ENOSF1: variants seen among roughly 807,000 people sequenced by gnomAD.
ENOSF1 encodes the protein mitochondrial enolase superfamily member 1.
A neutral mutation model predicts 68.2 loss-of-function variants in ENOSF1; 73 were observed. The observed-to-expected ratio is 1.07, with a 90% CI of 0.89 to 1.30. The LOEUF (loss-of-function observed/expected upper bound fraction) is 1.30. Ranked by LOEUF, ENOSF1 falls within the 50% of genes most tolerant of loss-of-function variation. The pLI, the probability that ENOSF1 is intolerant of heterozygous loss-of-function variation, is 0.00. For missense variants in ENOSF1, 589 were observed against 554.5 expected (o/e 1.06, Z -0.62); for synonymous variants, 223 against 210.4 (o/e 1.06, Z -0.52).
At chr18:685,038 CT>C (rs2076485421) in intron 10 of ENOSF1, among the ~76,000 whole-genome samples, 2 of 151,386 alleles carry the variant, frequency 1.3e-5, no homozygotes, top group South Asian at 2.1e-4. Flanking sequence ...TTTTTTTCTT[CT>C]TTCTTTTAGA....
intron 2 of ENOSF1, among the ~76,000 whole-genome samples, chr18:700,041 T>C (rs573560469): frequency 6.6e-6 from 1 of 152,132 alleles, no homozygotes; most frequent in South Asian, 2.1e-4. Flanking sequence ...GACCATGCCA[T>C]TGCACTCCAG....
chr18:699,692 G>A (rs1350753121), intron 2 of ENOSF1, among the ~76,000 whole-genome samples: 3 of 152,194 alleles, frequency 2.0e-5, no homozygotes, highest in South Asian at 2.1e-4. Flanking sequence ...TGGTGCTGCC[G>A]TGGATTCAAT....
At position 673,342 on chromosome 18, in the gene ENOSF1, G is replaced by T; in HGVS notation, c.*963C>A. 4.3e-6 allele frequency: 1 copy of T among 231,994 alleles called. No homozygotes were observed. Among genetic ancestry groups the T allele is most frequent in the Non-Finnish European group, 8.5e-6 (1 of 117,828 alleles). 14.4% of individuals were successfully genotyped at this position (231,994 alleles called of 1,614,324 possible). A position where few individuals can be genotyped will look rare whatever the true frequency, so the allele number is the denominator to read the frequency against. Reference sequence around the variant, plus strand: ...TTGGTGAATTTCACAAGCTATTTTTGGAATATTTTTAGAATATTTTAAGAA... The same window carrying T: ...TTGGTGAATTTCACAAGCTATTTTTTGAATATTTTTAGAATATTTTAAGAA... On this transcript the variant is annotated 3_prime_UTR_variant, in exon 16 of 16. Transcript: ENST00000647584.
At chr18:685,634 GAC>G (rs2076547419) in intron 10 of ENOSF1, among the ~76,000 whole-genome samples, 1 of 152,118 alleles carries the variant, frequency 6.6e-6, no homozygotes, top group South Asian at 2.1e-4. Flanking sequence ...TTACATGATT[GAC>G]ACACCAGAGC....
intron 1 of ENOSF1, among the ~76,000 whole-genome samples, chr18:707,125 T>G (rs1437695944): frequency 6.6e-6 from 1 of 152,098 alleles, no homozygotes; most frequent in Non-Finnish European, 1.5e-5. Context: ...GGTCGCAATG[T>G]ATACATTTTT....
At chr18:670,042 CTTATT>C (rs1335223763), downstream of ENOSF1, among the ~76,000 whole-genome samples, 1 of 128,582 alleles carries the variant, frequency 7.8e-6, no homozygotes, top group African/African-American at 3.4e-5. Flanking sequence ...GTAATAGAGA[CTTATT>C]TTTTTTTTTT....
intron 10 of ENOSF1, among the ~76,000 whole-genome samples, chr18:684,197 A>T (rs71352964): frequency 1.3e-5 from 2 of 151,440 alleles, no homozygotes; most frequent in Non-Finnish European, 2.9e-5. Context: ...GGGTTTCACC[A>T]TGTTAGCCAG....
intron 2 of ENOSF1, among the ~76,000 whole-genome samples, chr18:699,274 C>T (rs1428733693): frequency 2.0e-5 from 3 of 151,960 alleles, no homozygotes; most frequent in Non-Finnish European, 4.4e-5. Context: ...CCAGCCTGGG[C>T]AGTGTGGCAA....
chr18:677,211 T>C (rs748896030), intron 14 of ENOSF1, 134 bp downstream of exon 14: 28 of 716,794 alleles, frequency 3.9e-5, no homozygotes, highest in Non-Finnish European at 6.0e-5. Flanking sequence ...CAAAACCAAC[T>C]CCGCCTGAGA....
At chr18:684,544 T>C (rs916637069) in intron 10 of ENOSF1, among the ~76,000 whole-genome samples, 5 of 151,866 alleles carry the variant, frequency 3.3e-5, no homozygotes, top group Admixed American at 1.3e-4. Context: ...ATAATAATAA[T>C]AACCCCATGA....
chr18:710,338 G>C (rs892866899), intron 1 of ENOSF1, among the ~76,000 whole-genome samples: 2 of 152,092 alleles, frequency 1.3e-5, no homozygotes, highest in African/African-American at 4.8e-5. Flanking sequence ...TCGAACTCCT[G>C]GGCTCAAGCG....
chr18:708,877 G>C (rs972706639), intron 1 of ENOSF1, among the ~76,000 whole-genome samples: 3 of 152,172 alleles, frequency 2.0e-5, no homozygotes, highest in Non-Finnish European at 2.9e-5. Context: ...TGAGCGATGA[G>C]GCTGAGAAGG....
intron 9 of ENOSF1, 190 bp from the exon 10 acceptor site, chr18:686,198 T>G: frequency 1.7e-6 from 1 of 577,744 alleles, no homozygotes. Context: ...TCATTCAGTA[T>G]CAGGGCAATG....
Position 690,585 on chromosome 18 carries a change from G to T in ENOSF1, c.582C>A (p.Cys194Ter). The change falls in exon 8 of 16, where the codon TGC becomes TGA. Residue 194 changes from cysteine (C) to a stop codon, truncating the protein, a stop_gained. Transcript: ENST00000647584. LOFTEE classifies it high-confidence loss of function. ...AQGYPAYTTS[C>*]AWLGYSDDTL... Reference sequence around the variant, plus strand: ...TGTCATCTGAGTACCCCAGCCAGGCGCACGATGTCGTGTAAGCAGGGTATC... The same window carrying T: ...TGTCATCTGAGTACCCCAGCCAGGCTCACGATGTCGTGTAAGCAGGGTATC... 6.2e-7 allele frequency: 1 copy of T among 1,614,030 alleles called. No individual in the cohort carries two copies. Among genetic ancestry groups the T allele is most frequent in the Non-Finnish European group, 8.5e-7 (1 of 1,180,026 alleles).
chr18:706,353 G>A, intron 2 of ENOSF1, 117 bp downstream of exon 2: 1 of 734,072 alleles, frequency 1.4e-6, no homozygotes, highest in Non-Finnish European at 2.4e-6. Flanking sequence ...TGTAAATACA[G>A]ATAAAAACAA....
chr18:674,339 A>G lies in ENOSF1; in HGVS notation c.1298T>C (p.Val433Ala), dbSNP rs565811407. The change falls in exon 16 of 16, where the codon GTT (valine) becomes GCT (alanine). Residue 433 changes from valine to alanine, a missense_variant. Transcript: ENST00000647584. ...VKKHQYPDGE[V>A]WKKLLPAQEN ...TTGAGCAGGAAGGAGTTTCTTCCAA[A>G]CTTCACCATCTGGATACTGGTGTTT... 1.2e-6 allele frequency: 2 copies of G among 1,612,424 alleles called. No homozygotes were observed. Among genetic ancestry groups the G allele is most frequent in the African/African-American group, 2.7e-5 (2 of 74,804 alleles).
Position 671,580 on chromosome 18 carries a change from A to C in ENOSF1, c.*2725T>G. 1 of 724,388 alleles carries C rather than the reference A, an allele frequency of 1.4e-6. No individual in the cohort carries two copies. The highest frequency in any genetic ancestry group is 2.6e-5 in the East Asian group (1 of 38,314). 44.9% of individuals were successfully genotyped at this position (724,388 alleles called of 1,614,324 possible). On this transcript the variant is annotated 3_prime_UTR_variant, in exon 16 of 16. Transcript: ENST00000647584. ...TGCTCCAAATGTGGGGCTTCAGTTT[A>C]GGGAGAAGTGGTGGGCAGGTGGGCA...
intron 10 of ENOSF1, among the ~76,000 whole-genome samples, chr18:683,601 G>A (rs937753915): frequency 1.1e-4 from 17 of 152,108 alleles, no homozygotes; most frequent in African/African-American, 3.6e-4. Flanking sequence ...AGGAGGAGCC[G>A]TGAATCGCTT....
Position 674,201 on chromosome 18 carries a change from C to T in ENOSF1, c.*104G>A. 1 of 774,526 alleles carries T rather than the reference C, an allele frequency of 1.3e-6. No individual in the cohort carries two copies. The highest frequency in any genetic ancestry group is 2.5e-5 in the East Asian group (1 of 39,546). 48.0% of individuals were successfully genotyped at this position (774,526 alleles called of 1,614,324 possible). ...GGGTGGTATGACTTCTAGCTGAACT[C>T]ATCTTGATCGGTAGGATTTTTTAAA... On this transcript the variant is annotated 3_prime_UTR_variant, in exon 16 of 16. Coordinates refer to ENST00000647584, the MANE Select transcript of ENOSF1 (RefSeq NM_017512.7).
Sources: allele counts gnomAD v4.1 joint callset (sites outside exome capture counted in the v4.1 genomes callset), GRCh38; gene constraint gnomAD v4.1.1; transcripts MANE v1.5; gene names NCBI Gene and HGNC (gene_info 2026-07-23, HGNC 2026-07-21).